EPHA3: variants seen among roughly 807,000 people sequenced by gnomAD.
EPHA3 encodes EPH receptor A3.
EPHA3 carries 42 observed loss-of-function variants against 107.1 expected under a neutral mutation model. The ratio of observed to expected loss-of-function variants is 0.39; its 90% CI spans 0.31 to 0.51. The LOEUF is 0.51. Ranked by LOEUF, EPHA3 falls within the 20% of genes least tolerant of loss-of-function variation. The probability of loss-of-function intolerance (pLI) is 0.78; values close to 1 mark genes in which losing one functional copy is unlikely to be tolerated. For missense variants in EPHA3, 1,183 were observed against 1,211.2 expected (o/e 0.98, Z 0.35); for synonymous variants, 461 against 424.8 (o/e 1.09, Z -1.05).
intron 3 of EPHA3, among the ~76,000 whole-genome samples, chr3:89,300,865 C>T (rs1405240329): frequency 6.6e-6 from 1 of 152,092 alleles, no homozygotes; most frequent in Non-Finnish European, 1.5e-5. Context: ...TACCTGTTCT[C>T]TAGAGATCTC....
chr3:89,375,810 C>G (rs566645410), intron 5 of EPHA3, among the ~76,000 whole-genome samples: 1 of 151,880 alleles, frequency 6.6e-6, no homozygotes, highest in Non-Finnish European at 1.5e-5. Flanking sequence ...CCTGGAAGAG[C>G]TGTAGTACTT....
chr3:89,137,844 A>T (rs7611735), intron 2 of EPHA3, among the ~76,000 whole-genome samples: 35,286 of 151,872 alleles, frequency 0.23, 4,234 homozygotes, highest in Middle Eastern at 0.32. Context: ...AGGCAGTTTG[A>T]TATACATAAA....
At chr3:89,291,050 C>G (rs1035959645) in intron 3 of EPHA3, among the ~76,000 whole-genome samples, 3 of 152,102 alleles carry the variant, frequency 2.0e-5, no homozygotes, top group African/African-American at 7.2e-5. Context: ...TTTATATACC[C>G]TTTGTAGTCA....
At chr3:89,166,301 A>G (rs1310956532) in intron 2 of EPHA3, among the ~76,000 whole-genome samples, 2 of 152,200 alleles carry the variant, frequency 1.3e-5, no homozygotes, top group Non-Finnish European at 2.9e-5. Flanking sequence ...ACACTAAATT[A>G]TGAGGTTTCT....
intron 2 of EPHA3, among the ~76,000 whole-genome samples, chr3:89,136,169 C>A (rs1330195208): frequency 6.6e-6 from 1 of 151,780 alleles, no homozygotes; most frequent in South Asian, 2.1e-4. Context: ...AATAGTCAAT[C>A]CAGGAACATC....
intron 2 of EPHA3, among the ~76,000 whole-genome samples, chr3:89,159,431 T>C (rs10779990): frequency 0.56 from 85,720 of 151,858 alleles, 24,538 homozygotes; most frequent in Admixed American, 0.65. Flanking sequence ...CAAAATCCAC[T>C]AGTGAAGTCC....
rs114309249 is a variant in EPHA3, at chr3:89,122,375, A to G, written c.89-4834A>G. On this transcript the variant is annotated intron_variant, in intron 1 of 16. Transcript: ENST00000336596. ...ATAACTGAAGGTTTTACTAGAGAAC[A>G]TGTGCATTATTATATGAGTTTGAAA... Among the ~76,000 whole-genome samples the G allele has an allele frequency of 2.8e-3, 419 of 152,338 alleles. 1 individual carries two copies. The highest frequency in any genetic ancestry group is 7.9e-3 in the African/African-American group (329 of 41,582).
intron 15 of EPHA3, among the ~76,000 whole-genome samples, chr3:89,455,314 T>G (rs1006772584): frequency 2.0e-5 from 3 of 152,074 alleles, no homozygotes; most frequent in Admixed American, 6.6e-5. Flanking sequence ...TGTAACCTCC[T>G]CCTCACCAAA....
At chr3:89,447,264 A>T (rs1709893593) in intron 13 of EPHA3, among the ~76,000 whole-genome samples, 1 of 152,124 alleles carries the variant, frequency 6.6e-6, no homozygotes, top group Admixed American at 6.5e-5. Context: ...TCATCAGTAG[A>T]AACTGTCAAC....
At chr3:89,435,026 A>G (rs948658646) in intron 13 of EPHA3, among the ~76,000 whole-genome samples, 2 of 152,086 alleles carry the variant, frequency 1.3e-5, no homozygotes, top group African/African-American at 4.8e-5. Flanking sequence ...TGAGTACAAT[A>G]AGTTTATAGT....
chr3:89,266,353 T>C (rs1705538070), intron 3 of EPHA3, among the ~76,000 whole-genome samples: 1 of 152,168 alleles, frequency 6.6e-6, no homozygotes, highest in South Asian at 2.1e-4. Context: ...TCATGTTCAT[T>C]GGAAACTATT....
chr3:89,333,514 C>T (rs980016724), intron 3 of EPHA3, among the ~76,000 whole-genome samples: 21 of 152,236 alleles, frequency 1.4e-4, no homozygotes, highest in African/African-American at 5.1e-4. Context: ...CACAAGCATG[C>T]CGTCACTAAC....
At chr3:89,192,459 A>T (rs1705742714) in intron 2 of EPHA3, among the ~76,000 whole-genome samples, 1 of 151,966 alleles carries the variant, frequency 6.6e-6, no homozygotes, top group Non-Finnish European at 1.5e-5. Context: ...AATATACTAT[A>T]TATACTACAT....
At chr3:89,281,691 G>T (rs1705951560) in intron 3 of EPHA3, among the ~76,000 whole-genome samples, 1 of 152,110 alleles carries the variant, frequency 6.6e-6, no homozygotes, top group South Asian at 2.1e-4. Flanking sequence ...ATACAGCTTT[G>T]TTCTATAGTA....
intron 15 of EPHA3, among the ~76,000 whole-genome samples, chr3:89,460,582 AG>A (rs1466284234): frequency 6.7e-6 from 1 of 149,870 alleles, no homozygotes; most frequent in Non-Finnish European, 1.5e-5. Flanking sequence ...ATTAGTAAAA[AG>A]CTTCTGATCT....
rs559070079 is a variant in EPHA3 at position 89,369,298 on chromosome 3, A to T, written c.1307-26539A>T. Among the ~76,000 whole-genome samples, 20 of 151,026 alleles carry T rather than the reference A, an allele frequency of 1.3e-4. 1 individual carries two copies. The East Asian group carries it at 3.3e-3, about 25-fold the overall frequency. ...AACAGCATGGTACTGGTACCAAAAC[A>T]GAGATATAGATCAATGGAACAGAAC... On this transcript the variant is annotated intron_variant, in intron 5 of 16. Transcript: ENST00000336596.
chr3:89,159,488 C>A (rs1364481483), intron 2 of EPHA3, among the ~76,000 whole-genome samples: 3 of 152,090 alleles, frequency 2.0e-5, no homozygotes, highest in African/African-American at 4.8e-5. Context: ...CTCATTGACA[C>A]CACGACAAGG....
chr3:89,208,503 G>A (rs1195880022), intron 2 of EPHA3, among the ~76,000 whole-genome samples: 2 of 134,530 alleles, frequency 1.5e-5, no homozygotes, highest in Admixed American at 7.5e-5. Context: ...AGGAGGGAGG[G>A]AGGGAAGAAA....
chr3:89,278,713 T>C lies in EPHA3; in HGVS notation c.815-62203T>C, dbSNP rs143399682. ...TATTTTCAGATCTTGATAAACCTGA[T>C]TTAAGATTTGTATATATAAGCTATC... On this transcript the variant is annotated intron_variant, in intron 3 of 16. Coordinates refer to ENST00000336596, the MANE Select transcript of EPHA3 (RefSeq NM_005233.6). Among the ~76,000 whole-genome samples, 562 of 152,314 alleles carry C rather than the reference T, an allele frequency of 3.7e-3. 1 individual carries two copies. The highest frequency in any genetic ancestry group is 5.2e-3 in the Non-Finnish European group (356 of 68,028).
Sources: allele counts gnomAD v4.1 joint callset (sites outside exome capture counted in the v4.1 genomes callset), GRCh38; gene constraint gnomAD v4.1.1; transcripts MANE v1.5; gene names NCBI Gene and HGNC (gene_info 2026-07-23, HGNC 2026-07-21).